The following KIF9 variants were observed in gnomAD, a reference collection of about 807,000 sequenced individuals.
KIF9 encodes the protein kinesin-like protein KIF9.
Under a neutral mutation model 94.8 loss-of-function variants are expected in KIF9, and 68 were observed. The ratio of observed to expected loss-of-function variants is 0.72; its 90% confidence interval spans 0.59 to 0.88. The LOEUF (loss-of-function observed/expected upper bound fraction) is 0.88, where lower values mean the gene tolerates loss of function less well. KIF9 is among the 40% of genes least tolerant of loss of function. KIF9 has a pLI of 0.00. For missense variants in KIF9, 882 were observed against 982.5 expected (o/e 0.90, Z 1.37); for synonymous variants, 343 against 362.1 (o/e 0.95, Z 0.60).
intron 20 of KIF9, among the ~76,000 whole-genome samples, chr3:47,234,301 T>C (rs1317149627): frequency 1.3e-5 from 2 of 151,450 alleles, no homozygotes; most frequent in Non-Finnish European, 2.9e-5. Flanking sequence ...TGGTACAATC[T>C]CAGCTCACTG....
chr3:47,273,917 C>T (rs1050274471), intron 3 of KIF9, among the ~76,000 whole-genome samples: 18 of 152,304 alleles, frequency 1.2e-4, no homozygotes, highest in Middle Eastern at 6.8e-3. Context: ...AGAGATGATC[C>T]GGCCCTAGGG....
intron 17 of KIF9, among the ~76,000 whole-genome samples, chr3:47,239,075 C>T (rs1699274382): frequency 6.6e-6 from 1 of 152,182 alleles, no homozygotes; most frequent in South Asian, 2.1e-4. Context: ...GCGGGTATGC[C>T]TGTAATCGCA....
chr3:47,239,194 C>T (rs1699283424), intron 17 of KIF9, among the ~76,000 whole-genome samples: 1 of 152,136 alleles, frequency 6.6e-6, no homozygotes, highest in African/African-American at 2.4e-5. Context: ...GAGTGAAACT[C>T]CATCTCGAAA....
chr3:47,273,566 G>A lies in KIF9; in HGVS notation c.352C>T (p.Arg118Cys), dbSNP rs371406202. 27 of 1,608,262 alleles carry A rather than the reference G, an allele frequency of 1.7e-5. No homozygotes were observed. The highest frequency in any genetic ancestry group is 1.1e-4 in the African/African-American group (8 of 74,880). Residue 118 changes from arginine to cysteine, a missense_variant, in exon 4 of 21, where the codon CGT (arginine) becomes TGT (cysteine). By Grantham distance (180) the Arg-to-Cys change is radical. Coordinates refer to ENST00000684063, the MANE Select transcript of KIF9 (RefSeq NM_182902.4). The part of the protein sequence containing the change: ...ENYKHRGILP[R>C]ALQQVFRMIE... ...CCACTCTCTACCTGCTGCAGGGCAC[G>A]AGGGAGGATCCCCCGGTGCTTGTAA...
At chr3:47,268,368 A>C (rs753527516) in intron 5 of KIF9, among the ~76,000 whole-genome samples, 1 of 152,136 alleles carries the variant, frequency 6.6e-6, no homozygotes, top group Non-Finnish European at 1.5e-5. Context: ...AGTGCTATGA[A>C]CAAGCCCCAA....
Position 47,246,208 on chromosome 3 carries a change from C to G in KIF9, c.1278G>C (p.Arg426=). The G allele has an allele frequency of 6.2e-7, 1 of 1,613,656 alleles. No homozygotes were observed. The highest frequency in any genetic ancestry group is 8.5e-7 in the Non-Finnish European group (1 of 1,179,762). Residue 426 remains arginine (R), a synonymous_variant, in exon 13 of 21, where the codon CGG becomes CGC. Transcript: ENST00000684063. The part of the protein sequence containing the change: ...RQIKEVFNQF[R]VVLSQQEQEV... ...TGGGGGTCTCTCACCTCAGAACCAC[C>G]CGGAACTGGTTGAACACCTCCTTGA...
chr3:47,272,737 A>T (rs192511679), intron 4 of KIF9, among the ~76,000 whole-genome samples: 67 of 152,258 alleles, frequency 4.4e-4, no homozygotes, highest in Non-Finnish European at 6.5e-4. Flanking sequence ...TCAAATTTGC[A>T]TGTGACTTAC....
At chr3:47,237,707 T>G (rs565710949) in intron 17 of KIF9, among the ~76,000 whole-genome samples, 1 of 152,254 alleles carries the variant, frequency 6.6e-6, no homozygotes, top group African/African-American at 2.4e-5. Flanking sequence ...AGCCCCCAGG[T>G]GCTAGAGGAA....
intron 20 of KIF9, among the ~76,000 whole-genome samples, chr3:47,233,579 C>T (rs1698777520): frequency 6.6e-6 from 1 of 151,336 alleles, no homozygotes; most frequent in African/African-American, 2.4e-5. Context: ...GCCTATAGTC[C>T]CAGCTACTCG....
At chr3:47,231,275 C>T (rs943578267) in intron 20 of KIF9, among the ~76,000 whole-genome samples, 1 of 152,060 alleles carries the variant, frequency 6.6e-6, no homozygotes, top group Non-Finnish European at 1.5e-5. Context: ...ACGTCTTCAA[C>T]CTAATAAAGA....
At chr3:47,281,093 A>G in intron 1 of KIF9, 7 of 696,836 alleles carry the variant, frequency 1.0e-5, no homozygotes. Flanking sequence ...GGCAGAGCCC[A>G]GCACAGAGTA....
chr3:47,251,724 C>T (rs115964001), intron 10 of KIF9, among the ~76,000 whole-genome samples: 197 of 152,316 alleles, frequency 1.3e-3, no homozygotes, highest in African/African-American at 4.6e-3. Context: ...TGTGGGGCAG[C>T]TCTTGGGGCA....
chr3:47,228,380 T>C lies in KIF9; in HGVS notation c.*272A>G. The C allele has an allele frequency of 2.3e-6, 1 of 431,912 alleles. No homozygotes were observed. Among genetic ancestry groups the C allele is most frequent in the East Asian group, 4.2e-5 (1 of 23,824 alleles). The allele number at this position is 431,912 out of a possible 1,614,324, so 26.8% of individuals were successfully genotyped here. A position where few individuals can be genotyped will look rare whatever the true frequency, so the allele number is the denominator to read the frequency against. On this transcript the variant is annotated 3_prime_UTR_variant, in exon 21 of 21. Transcript: ENST00000684063. ...CTTTCAGACAGGAAATAAGACAAAGTTCTCAGATGAGCACTGAAAGTCCAA... is the reference window on the plus strand; with the variant it reads ...CTTTCAGACAGGAAATAAGACAAAGCTCTCAGATGAGCACTGAAAGTCCAA...
chr3:47,269,143 T>C (rs1283619164), intron 5 of KIF9, among the ~76,000 whole-genome samples: 1 of 152,204 alleles, frequency 6.6e-6, no homozygotes, highest in Non-Finnish European at 1.5e-5. Flanking sequence ...TGCTATGTTG[T>C]GAGAAGGCAC....
At chr3:47,278,494 C>CA (rs1702116002) in intron 1 of KIF9, among the ~76,000 whole-genome samples, 1 of 152,060 alleles carries the variant, frequency 6.6e-6, no homozygotes, top group Non-Finnish European at 1.5e-5. Flanking sequence ...CTCAACCTTC[C>CA]AAGTAGCTAA....
At chr3:47,272,679 A>C (rs1701720886) in intron 4 of KIF9, among the ~76,000 whole-genome samples, 1 of 152,136 alleles carries the variant, frequency 6.6e-6, no homozygotes, top group Non-Finnish European at 1.5e-5. Flanking sequence ...CATTAAAATT[A>C]ATTTCATCTG....
At chr3:47,271,163 GAA>G in intron 5 of KIF9, 72 bp downstream of exon 5, 1 of 1,080,108 alleles carries the variant, frequency 9.3e-7, no homozygotes, top group South Asian at 1.4e-5. Flanking sequence ...AAAAGAAAAA[GAA>G]AAAGAAAAGC....
intron 16 of KIF9, 73 bp downstream of exon 16, chr3:47,242,978 G>A (rs1699673849): frequency 3.3e-6 from 4 of 1,197,980 alleles, no homozygotes; most frequent in East Asian, 4.8e-5. Flanking sequence ...TTTATCTGCA[G>A]GTACTCTTCA....
intron 1 of KIF9, among the ~76,000 whole-genome samples, chr3:47,279,160 C>CAAAAAAA (rs55779664): frequency 5.5e-5 from 3 of 54,908 alleles, no homozygotes; most frequent in Non-Finnish European, 7.4e-5. Context: ...GACCATATCT[C>CAAAAAAA]AAAAAAAAAA....
Sources: gnomAD v4.1 joint callset for allele counts (sites outside exome capture counted in the v4.1 genomes callset) on GRCh38, gnomAD v4.1.1 for gene constraint, MANE v1.5 for transcripts, NCBI Gene and HGNC (gene_info 2026-07-23, HGNC 2026-07-21) for gene names.